Variants in DSC1 observed in about 807,000 individuals in gnomAD.
DSC1 encodes the protein desmocollin-1.
Under a neutral mutation model 98.8 loss-of-function variants are expected in DSC1, and 79 were observed. The observed-to-expected ratio is 0.80, with a 90% CI of 0.67 to 0.96. The LOEUF (loss-of-function observed/expected upper bound fraction) is 0.96. DSC1 is among the 50% of genes least tolerant of loss of function. DSC1 has a pLI of 0.00. For missense variants in DSC1, 1,115 were observed against 1,075.9 expected (o/e 1.04, Z -0.51); for synonymous variants, 405 against 372.1 (o/e 1.09, Z -1.02).
chr18:31,150,273 C>T (rs1598625394), intron 5 of DSC1, among the ~76,000 whole-genome samples: 5 of 125,146 alleles, frequency 4.0e-5, no homozygotes, highest in East Asian at 2.8e-4. Flanking sequence ...ATCATCACCA[C>T]TACCATCACC....
At position 31,140,279 on chromosome 18, in the gene DSC1, C is replaced by A. The variant is rs150882311; in HGVS notation, c.1283G>T (p.Arg428Leu). 2 of 1,613,870 alleles carry A rather than the reference C, an allele frequency of 1.2e-6. No homozygotes were observed. Among genetic ancestry groups the A allele is most frequent in the Non-Finnish European group, 1.7e-6 (2 of 1,179,826 alleles). ...GACACCAACTTGCAAAATAACTTGG[C>A]GATTGACTTCATAGTTCAATGGCTG... is the stretch of plus-strand genomic sequence containing the variant. ...VVKPLNYEVN[R>L]QVILQVGVIN... is the part of the protein sequence containing the mutation. Residue 428 changes from arginine (R) to leucine (L), a missense_variant, in exon 10 of 16, where the codon CGC becomes CTC. Physicochemically the swap from Arg to Leu is moderately radical, Grantham distance 102. Transcript: ENST00000257198.
At chr18:31,159,354 A>G (rs1230832329) in intron 2 of DSC1, 91 bp downstream of exon 2, 22 of 1,340,258 alleles carry the variant, frequency 1.6e-5, no homozygotes, top group African/African-American at 4.4e-5. Context: ...CGCCCGGCCT[A>G]CTATGTGGTT....
chr18:31,132,766 A>G (rs1988524369), intron 13 of DSC1, 77 bp from the exon 14 acceptor site: 1 of 1,366,812 alleles, frequency 7.3e-7, no homozygotes, highest in East Asian at 2.5e-5. Flanking sequence ...GTCTTCTTGC[A>G]TATGTCTCAA....
In DSC1 at chr18:31,142,112, G is replaced by A. The variant is rs1319721718; in HGVS notation, c.1147C>T (p.Pro383Ser). The A allele has an allele frequency of 2.5e-6, 4 of 1,613,202 alleles. No individual in the cohort carries two copies. Among genetic ancestry groups the A allele is most frequent in the South Asian group, 1.1e-5 (1 of 90,964 alleles). Reference protein sequence around the residue: ...LRMKVQDQDLPNTPHSKAVYK... With the variant: ...LRMKVQDQDLSNTPHSKAVYK... ...ACAGCCTTTGAGTGAGGAGTGTTTG[G>A]CAAATCCTGATCCTGTACCTTCATT... The change falls in exon 9 of 16, where the codon CCA (proline) becomes TCA (serine). Residue 383 changes from proline to serine, a missense_variant. Physicochemically the swap from Pro to Ser is moderately conservative, Grantham distance 74 (BLOSUM62 -1). Coordinates refer to ENST00000257198, the MANE Select transcript of DSC1 (RefSeq NM_024421.2).
intron 2 of DSC1, among the ~76,000 whole-genome samples, chr18:31,158,990 A>G (rs886810324): frequency 2.7e-5 from 4 of 148,346 alleles, no homozygotes; most frequent in Admixed American, 1.4e-4. Flanking sequence ...CTACCAAAAA[A>G]CAAGTAGCCT....
At chr18:31,159,146 T>A (rs376559008) in intron 2 of DSC1, among the ~76,000 whole-genome samples, 1 of 62,902 alleles carries the variant, frequency 1.6e-5, no homozygotes, top group African/African-American at 5.3e-5. Flanking sequence ...CTCCGCCTCT[T>A]GGGTTCACGC....
intron 11 of DSC1, among the ~76,000 whole-genome samples, chr18:31,137,285 A>C (rs992583083): frequency 6.6e-6 from 1 of 152,132 alleles, no homozygotes; most frequent in Admixed American, 6.6e-5. Flanking sequence ...GTACATGACA[A>C]CCCTTAAATA....
chr18:31,146,295 G>A (rs1394845583), intron 6 of DSC1, among the ~76,000 whole-genome samples: 2 of 151,882 alleles, frequency 1.3e-5, no homozygotes, highest in African/African-American at 4.8e-5. Flanking sequence ...GTGTCTATGT[G>A]TACCCAATGT....
At chr18:31,160,221 A>T (rs899743697) in intron 1 of DSC1, among the ~76,000 whole-genome samples, 1 of 152,174 alleles carries the variant, frequency 6.6e-6, no homozygotes, top group Non-Finnish European at 1.5e-5. Context: ...ACACTATCTG[A>T]AAAAAACAAA....
Position 31,162,816 on chromosome 18 carries a change from AGTTCAATTAC to A in DSC1, c.-232_-223del, listed in dbSNP as rs895109711. ...TTCCCTGGCCAGTCTCCTTCCTTCC[AGTTCAATTAC>A]GTCTAAATGCAAAGAGGCTTTCCTA... is the stretch of plus-strand genomic sequence containing the variant. On this transcript the variant is annotated 5_prime_UTR_variant, in exon 1 of 16. Coordinates refer to ENST00000257198, the MANE Select transcript of DSC1 (RefSeq NM_024421.2). 5.8e-5 allele frequency: 31 copies of A among 535,294 alleles called. No homozygotes were observed. The highest frequency in any genetic ancestry group is 3.6e-4 in the Admixed American group (11 of 30,244). 33.2% of individuals were successfully genotyped at this position (535,294 alleles called of 1,614,324 possible).
At position 31,132,194 on chromosome 18, in the gene DSC1, G is replaced by A. The variant is rs532539345; in HGVS notation, c.2239-352C>T. 5.7e-4 allele frequency: 200 copies of A among 349,114 alleles called. 5 individuals carry two copies. The highest frequency in any genetic ancestry group is 5.6e-3 in the South Asian group (179 of 31,780). 21.6% of individuals were successfully genotyped at this position (349,114 alleles called of 1,614,324 possible). A position where few individuals can be genotyped will look rare whatever the true frequency, so the allele number is the denominator to read the frequency against. On this transcript the variant is annotated intron_variant, in intron 14 of 15. Transcript: ENST00000257198. ...CACAGACATGCACACATGGAGAATC[G>A]CCATATGAAGATTTGATTTCCACTG...
In DSC1 at chr18:31,142,648, G is replaced by T. The variant is rs557100641; in HGVS notation, c.1075-464C>A. ...TTCCAAATGTACTTTTGATTCACTT[G>T]CAAACCTTTAGCAGAAAAGTTTTCC... On this transcript the variant is annotated intron_variant, in intron 8 of 15. Transcript: ENST00000257198. 2.7e-5 allele frequency among the ~76,000 whole-genome samples: 4 copies of T among 149,326 alleles called. No homozygotes were observed. The South Asian group carries it at 8.6e-4, about 32-fold the overall frequency.
At chr18:31,133,144 CTCAAA>C in intron 13 of DSC1, among the ~76,000 whole-genome samples, 1 of 151,842 alleles carries the variant, frequency 6.6e-6, no homozygotes, top group African/African-American at 2.4e-5. Flanking sequence ...TAATCTGAAA[CTCAAA>C]TCAATGAATT....
Position 31,134,723 on chromosome 18 carries a change from A to G in DSC1, c.1725T>C (p.Pro575=). The G allele has an allele frequency of 6.2e-7, 1 of 1,613,320 alleles. No homozygotes were observed. ...AAATGGTCACTTCTTTGTCAATTTG[A>G]GGTGCGTGATCGTTGTAATCATCCA... The part of the protein sequence containing the change: ...VHLDDYNDHA[P]QIDKEVTICQ... Residue 575 remains proline, a synonymous_variant, in exon 12 of 16, where the codon CCT becomes CCC. Coordinates refer to ENST00000257198, the MANE Select transcript of DSC1 (RefSeq NM_024421.2).
At chr18:31,152,893 G>A (rs1486789237) in intron 5 of DSC1, among the ~76,000 whole-genome samples, 1 of 112,754 alleles carries the variant, frequency 8.9e-6, no homozygotes, top group Non-Finnish European at 1.9e-5. Flanking sequence ...AATTGCATCA[G>A]GTTTACATCT....
At position 31,141,980 on chromosome 18, in the gene DSC1, GATT is replaced by G. The variant is rs1988746339; in HGVS notation, c.1260+16_1260+18del. The G allele has an allele frequency of 6.3e-7, 1 of 1,588,140 alleles. No homozygotes were observed. The highest frequency in any genetic ancestry group is 8.5e-7 in the Non-Finnish European group (1 of 1,171,874). On this transcript the variant is annotated intron_variant, in intron 9 of 15. Coordinates refer to ENST00000257198, the MANE Select transcript of DSC1 (RefSeq NM_024421.2). Reference sequence around the variant, plus strand: ...GTTAGGATATTTTAAAGCATAGCCTGATTATTTTATTTGTTTACCTTGACAACA... The same window carrying G: ...GTTAGGATATTTTAAAGCATAGCCTGATTTTATTTGTTTACCTTGACAACA...
chr18:31,152,855 T>C (rs1395110855), intron 5 of DSC1, among the ~76,000 whole-genome samples: 1 of 149,188 alleles, frequency 6.7e-6, no homozygotes, highest in East Asian at 2.0e-4. Flanking sequence ...GGAAGTCTTC[T>C]ATTCTATCCT....
chr18:31,159,346 C>T (rs1989166420), intron 2 of DSC1, 99 bp downstream of exon 2: 12 of 1,229,696 alleles, frequency 9.8e-6, no homozygotes, highest in Non-Finnish European at 1.4e-5. Context: ...AGCCACCGCG[C>T]CCGGCCTACT....
intron 4 of DSC1, 137 bp downstream of exon 4, chr18:31,155,906 C>T (rs1368825117): frequency 5.6e-6 from 5 of 888,922 alleles, no homozygotes; most frequent in Non-Finnish European, 6.7e-6. Context: ...CTATGGGACC[C>T]TAGTTCTGGT....
Sources: allele counts gnomAD v4.1 joint callset (sites outside exome capture counted in the v4.1 genomes callset), GRCh38; gene constraint gnomAD v4.1.1; transcripts MANE v1.5; gene names NCBI Gene and HGNC (gene_info 2026-07-23, HGNC 2026-07-21).